Variants in BRD1 observed in about 807,000 individuals in gnomAD.
BRD1 encodes the protein bromodomain-containing protein 1.
In BRD1, 24 loss-of-function variants were observed where a neutral mutation model predicts 107.7. The observed-to-expected ratio is 0.22, with a 90% confidence interval of 0.16 to 0.31. BRD1 has a LOEUF of 0.31. Among genes scored for constraint, BRD1 ranks in the 10% least tolerant of loss-of-function variants. The pLI is 1.00. For missense variants in BRD1, 1,279 were observed against 1,638.6 expected, an observed-to-expected ratio of 0.78 and a Z score of 3.79; for synonymous variants, 744 against 686.1, an observed-to-expected ratio of 1.08 and a Z score of -1.32.
chr22:49,813,341 A>G (rs1441343887), intron 2 of BRD1, among the ~76,000 whole-genome samples: 1 of 151,938 alleles, frequency 6.6e-6, no homozygotes, highest in Non-Finnish European at 1.5e-5. Context: ...CCTGCCTCTC[A>G]GCCTCCCTAG....
At chr22:49,785,278 T>C (rs1265637679) in intron 8 of BRD1, among the ~76,000 whole-genome samples, 1 of 152,244 alleles carries the variant, frequency 6.6e-6, no homozygotes. Context: ...AACCACCACG[T>C]GAGCATCCTG....
At chr22:49,819,987 G>A (rs558336134) in intron 2 of BRD1, among the ~76,000 whole-genome samples, 93 of 151,794 alleles carry the variant, frequency 6.1e-4, no homozygotes, top group Non-Finnish European at 8.1e-4. Flanking sequence ...AAAATCGGCC[G>A]GGTGTGGTGG....
chr22:49,818,813 G>A (rs2060006124), intron 2 of BRD1, among the ~76,000 whole-genome samples: 2 of 152,046 alleles, frequency 1.3e-5, no homozygotes, highest in Non-Finnish European at 2.9e-5. Flanking sequence ...GTGAACCCGG[G>A]AGGTGGAGCT....
chr22:49,791,171 G>A (rs566485419), intron 7 of BRD1, among the ~76,000 whole-genome samples: 5 of 152,332 alleles, frequency 3.3e-5, no homozygotes, highest in African/African-American at 1.2e-4. Context: ...CAGCTGACAC[G>A]CAGCCCCGGG....
chr22:49,821,357 A>C (rs2060062585), intron 2 of BRD1, among the ~76,000 whole-genome samples: 2 of 152,190 alleles, frequency 1.3e-5, no homozygotes, highest in Admixed American at 1.3e-4. Context: ...AGAAGCTCTT[A>C]ATACAAACCC....
chr22:49,800,999 G>A (rs903909523), intron 3 of BRD1, among the ~76,000 whole-genome samples: 17 of 152,356 alleles, frequency 1.1e-4, no homozygotes, highest in African/African-American at 3.8e-4. Flanking sequence ...CAGGCCTCCT[G>A]GCAACAGCAC....
intron 2 of BRD1, chr22:49,806,514 C>T (rs1484632590): frequency 6.6e-6 from 1 of 152,230 alleles, no homozygotes; most frequent in Non-Finnish European, 1.5e-5. Flanking sequence ...CCCCACTCAA[C>T]TCGGACAGAA....
In BRD1 at chr22:49,774,103, T is replaced by A; in HGVS notation, c.*130A>T. On this transcript the variant is annotated 3_prime_UTR_variant, in exon 13 of 13. Coordinates refer to ENST00000404760, the MANE Select transcript of BRD1 (RefSeq NM_001304808.3). ...TCCTAGAAAACTTGGAAATAAAACC[T>A]CCCCCCTCCCCGGGGAAAAAGAATT... 1 of 1,295,428 alleles carries A rather than the reference T, an allele frequency of 7.7e-7. No homozygotes were observed. Among genetic ancestry groups the A allele is most frequent in the Non-Finnish European group, 1.0e-6 (1 of 970,748 alleles). 80.2% of individuals were successfully genotyped at this position (1,295,428 alleles called of 1,614,324 possible).
At position 49,773,308 on chromosome 22, in the gene BRD1, A is replaced by G. The variant is rs1341527876; in HGVS notation, c.*925T>C. 3.3e-5 allele frequency: 5 copies of G among 152,216 alleles called. No individual in the cohort carries two copies. The highest frequency in any genetic ancestry group is 1.2e-4 in the African/African-American group (5 of 41,436). 9.4% of individuals were successfully genotyped at this position (152,216 alleles called of 1,614,324 possible). On this transcript the variant is annotated 3_prime_UTR_variant, in exon 13 of 13. Coordinates refer to ENST00000404760, the MANE Select transcript of BRD1 (RefSeq NM_001304808.3). ...TCCAAATCTTGACTTTATTTTTAAT[A>G]TAAAAAATGCAAATTTGGAAACCCA...
chr22:49,814,868 G>C (rs915940673), intron 2 of BRD1, among the ~76,000 whole-genome samples: 2 of 152,226 alleles, frequency 1.3e-5, no homozygotes, highest in Non-Finnish European at 2.9e-5. Flanking sequence ...TATGGTGAAA[G>C]TGAAGAGAGA....
intron 8 of BRD1, among the ~76,000 whole-genome samples, chr22:49,780,624 G>T (rs992772059): frequency 7.2e-5 from 11 of 152,224 alleles, no homozygotes; most frequent in Admixed American, 2.0e-4. Context: ...AACCTCGGGG[G>T]AGCTGCAAGG....
chr22:49,777,782 G>C lies in BRD1; in HGVS notation c.2889C>G (p.Ser963Arg). 6.2e-7 allele frequency: 1 copy of C among 1,604,024 alleles called. No individual in the cohort carries two copies. The highest frequency in any genetic ancestry group is 8.5e-7 in the Non-Finnish European group (1 of 1,177,960). Residue 963 changes from serine to arginine, a missense_variant, in exon 9 of 13, where the codon AGC (serine) becomes AGG (arginine). Ser to Arg is a moderately radical substitution (Grantham distance 110). Transcript: ENST00000404760. ...GLTNGFGGAR[S>R]EQEPGGGLGR... ...CCAGGCCGCCGCCCGGCTCCTGCTC[G>C]CTCCTCGCACCCCCAAAGCCGTTGG...
In BRD1 at chr22:49,816,625, G is replaced by A. The variant is rs772164754; in HGVS notation, c.1367+6326C>T. 3.9e-5 allele frequency among the ~76,000 whole-genome samples: 6 copies of A among 152,154 alleles called. No homozygotes were observed. The South Asian group carries it at 6.2e-4, about 16-fold the overall frequency. On this transcript the variant is annotated intron_variant, in intron 2 of 12. Transcript: ENST00000404760. ...CTACAGACTAAGGCTGGGGCTGGGC[G>A]AGGTGGCTCACACCTGTAATCTCAA...
chr22:49,797,662 C>T, intron 6 of BRD1, 143 bp downstream of exon 6: 1 of 745,252 alleles, frequency 1.3e-6, no homozygotes, highest in East Asian at 2.8e-5. Flanking sequence ...TTCAGTGAGG[C>T]TACTAGAAAA....
At chr22:49,804,137 G>C (rs1431817938) in intron 3 of BRD1, 67 bp downstream of exon 3, 1 of 1,420,918 alleles carries the variant, frequency 7.0e-7, no homozygotes, top group African/African-American at 1.4e-5. Flanking sequence ...GCCTGAACCA[G>C]GTGCCCTCTC....
Position 49,813,088 on chromosome 22 carries a change from G to A in BRD1, c.1368-8728C>T, listed in dbSNP as rs140796431. 6.7e-3 allele frequency among the ~76,000 whole-genome samples: 1,013 copies of A among 152,310 alleles called. 4 individuals are homozygous for A. The highest frequency in any genetic ancestry group is 0.011 in the Non-Finnish European group (775 of 68,026). ...CTCACACCAAACAGCAATTCCAGGA[G>A]GGCTCAAGACTCCTCGAGGTGGCCG... On this transcript the variant is annotated intron_variant, in intron 2 of 12. Coordinates refer to ENST00000404760, the MANE Select transcript of BRD1 (RefSeq NM_001304808.3).
Position 49,783,089 on chromosome 22 carries a change from A to C in BRD1, c.2857+4301T>G, listed in dbSNP as rs950721564. ...TGCAGCTGGGATGGTCAGAGACAGA[A>C]CCAAGGCCCAGGCCAGACGCCTGCA... On this transcript the variant is annotated intron_variant, in intron 8 of 12. Coordinates refer to ENST00000404760, the MANE Select transcript of BRD1 (RefSeq NM_001304808.3). The surrounding 1 kb of genome is among the most constrained non-coding windows in gnomAD (Gnocchi z 4.2). Among the ~76,000 whole-genome samples, 6 of 145,536 alleles carry C rather than the reference A, an allele frequency of 4.1e-5. No homozygotes were observed. Among genetic ancestry groups the C allele is most frequent in the Admixed American group, 6.8e-5 (1 of 14,776 alleles).
chr22:49,773,281 C>T (rs1185445301), downstream of BRD1: 1 of 152,162 alleles, frequency 6.6e-6, no homozygotes, highest in Non-Finnish European at 1.5e-5. Context: ...ATGGCCACAC[C>T]GTCCAAATCT....
chr22:49,814,290 C>T (rs2059909661), intron 2 of BRD1, among the ~76,000 whole-genome samples: 1 of 152,370 alleles, frequency 6.6e-6, no homozygotes, highest in East Asian at 1.9e-4. Context: ...GCCCCCGGTG[C>T]AGGCCCAGAA....
Sources: allele counts gnomAD v4.1 joint callset (sites outside exome capture counted in the v4.1 genomes callset), GRCh38; gene constraint gnomAD v4.1.1; non-coding constraint Gnocchi (gnomAD v3.1); transcripts MANE v1.5; gene names NCBI Gene and HGNC (gene_info 2026-07-23, HGNC 2026-07-21).